The following TP53BP1 variants were observed in gnomAD, a reference collection of about 807,000 sequenced individuals.
TP53BP1 encodes tumor protein p53 binding protein 1.
A neutral mutation model predicts 200.8 loss-of-function variants in TP53BP1; 61 were observed. The observed-to-expected ratio is 0.30, with a 90% CI of 0.25 to 0.38. The LOEUF (loss-of-function observed/expected upper bound fraction) is 0.38. TP53BP1 is among the 10% of genes least tolerant of loss of function. The pLI is 1.00. For synonymous variants in TP53BP1, 822 were observed against 844.3 expected (o/e 0.97, Z 0.46); for missense variants, 2,144 against 2,371.9 (o/e 0.90, Z 2.00).
At position 43,456,939 on chromosome 15, in the gene TP53BP1, A is replaced by C; in HGVS notation, c.1669T>G (p.Ser557Ala). 1 of 1,614,136 alleles carries C rather than the reference A, an allele frequency of 6.2e-7. No homozygotes were observed. Among genetic ancestry groups the C allele is most frequent in the Admixed American group, 1.7e-5 (1 of 60,012 alleles). The change falls in exon 12 of 28, where the codon TCT becomes GCT. Residue 557 changes from serine (S) to alanine (A), a missense_variant. Coordinates refer to ENST00000382044, the MANE Select transcript of TP53BP1 (RefSeq NM_001141980.3). ...ACAAATTTAGAATTGAGAACTGGAGACATGGGTTCCGTATCCTCAATCTGT... is the reference window on the plus strand; with the variant it reads ...ACAAATTTAGAATTGAGAACTGGAGCCATGGGTTCCGTATCCTCAATCTGT... The part of the protein sequence containing the change: ...NTQIEDTEPM[S>A]PVLNSKFVPA...
intron 17 of TP53BP1, among the ~76,000 whole-genome samples, chr15:43,431,553 A>G (rs775376233): frequency 6.6e-6 from 1 of 152,028 alleles, no homozygotes; most frequent in Admixed American, 6.6e-5. Context: ...CCACCTACTT[A>G]ATTTTTACTA....
intron 3 of TP53BP1, 68 bp downstream of exon 3, chr15:43,491,934 A>T: frequency 1.6e-6 from 2 of 1,290,308 alleles, no homozygotes; most frequent in South Asian, 1.2e-5. Context: ...CATAAAGTTT[A>T]AATCCACCCA....
Position 43,405,194 on chromosome 15 carries a change from T to C in TP53BP1, c.*2189A>G, listed in dbSNP as rs368215860. On this transcript the variant is annotated 3_prime_UTR_variant, in exon 28 of 28. Transcript: ENST00000382044. The stretch of plus-strand genomic sequence containing the variant: ...GACACTTAATAAGGCTCTTTTTCTC[T>C]TTTGTAGTTTCGGGATGTGAAAATT... 27 of 1,614,054 alleles carry C rather than the reference T, an allele frequency of 1.7e-5. No individual in the cohort carries two copies. The African/African-American group carries it at 3.2e-4, about 19-fold the overall frequency.
rs1288957584 is a variant in TP53BP1 at position 43,438,352 on chromosome 15, T to C, written c.3163A>G (p.Ser1055Gly). 6.2e-7 allele frequency: 1 copy of C among 1,613,810 alleles called. No homozygotes were observed. The highest frequency in any genetic ancestry group is 8.5e-7 in the Non-Finnish European group (1 of 1,179,932). ...CEARQENEAR[S>G]EDPPTTPIRG... ...ATGGGTGTGGTGGGGGGATCCTCAC[T>C]TCGAGCCTCATTCTCTTGCCTGGCT... Residue 1055 changes from serine (S) to glycine (G), a missense_variant, in exon 16 of 28, where the codon AGT becomes GGT. By Grantham distance (56) the Ser-to-Gly change is moderately conservative. Around this residue, in one of 4 missense-constraint regions of TP53BP1, gnomAD observed 1,700 missense variants for 1,710.3 expected, o/e 0.99. Coordinates refer to ENST00000382044, the MANE Select transcript of TP53BP1 (RefSeq NM_001141980.3).
At chr15:43,470,302 G>A (rs2046694236) in intron 10 of TP53BP1, among the ~76,000 whole-genome samples, 1 of 152,202 alleles carries the variant, frequency 6.6e-6, no homozygotes, top group Non-Finnish European at 1.5e-5. Flanking sequence ...AAAACTGGAT[G>A]CATCTGGGGC....
intron 1 of TP53BP1, among the ~76,000 whole-genome samples, chr15:43,505,195 C>T (rs1470683862): frequency 1.3e-5 from 2 of 152,024 alleles, no homozygotes; most frequent in Non-Finnish European, 2.9e-5. Flanking sequence ...ATTTCTTCAA[C>T]CCAAGCATTC....
At chr15:43,453,972 C>T (rs2245664) in intron 12 of TP53BP1, among the ~76,000 whole-genome samples, 41,072 of 151,786 alleles carry the variant, frequency 0.27, 9,135 homozygotes, top group African/African-American at 0.61. Context: ...CTTTGGAGGC[C>T]GAGGAAGGCA....
At chr15:43,480,817 G>T in intron 5 of TP53BP1, 78 bp downstream of exon 5, 1 of 1,480,734 alleles carries the variant, frequency 6.8e-7, no homozygotes, top group South Asian at 1.3e-5. Flanking sequence ...TAATAAAGAG[G>T]AGAAATTTAG....
chr15:43,474,181 C>G (rs1323981735), intron 10 of TP53BP1, among the ~76,000 whole-genome samples: 1 of 152,184 alleles, frequency 6.6e-6, no homozygotes, highest in African/African-American at 2.4e-5. Context: ...GAGTGCAGGA[C>G]CCGCCAAGCC....
In TP53BP1 at chr15:43,455,882, T is replaced by C. The variant is rs766736772; in HGVS notation, c.2716+10A>G. On this transcript the variant is annotated intron_variant, in intron 12 of 27. Transcript: ENST00000382044. ...AGGTGGAGACAAGAATAATCTACAATCACACTCACCACTAGAACTTTCACA... is the reference window on the plus strand; with the variant it reads ...AGGTGGAGACAAGAATAATCTACAACCACACTCACCACTAGAACTTTCACA... 20 of 1,612,114 alleles carry C rather than the reference T, an allele frequency of 1.2e-5. No individual in the cohort carries two copies. In the Admixed American group the frequency reaches 3.2e-4, roughly 26 times the overall value.
rs772476521 is a variant in TP53BP1 at position 43,469,886 on chromosome 15, G to A, written c.1361C>T (p.Pro454Leu). The change falls in exon 11 of 28, where the codon CCT becomes CTT. Residue 454 changes from proline (P) to leucine (L), a missense_variant. This residue lies in a region of TP53BP1 where 1,700 missense variants were observed against 1,710.3 expected (regional missense o/e 0.99). Transcript: ENST00000382044. ...AGAAAACTGAGGCTGGGATGGGATA[G>A]GAAGTGACCCAGGAGGGAAGACTGG... Reference protein sequence around the residue: ...STPVFPPGSLPIPSQPQFSHD... With the variant: ...STPVFPPGSLLIPSQPQFSHD... 2 of 1,611,982 alleles carry A rather than the reference G, an allele frequency of 1.2e-6. No individual in the cohort carries two copies. Among genetic ancestry groups the A allele is most frequent in the Non-Finnish European group, 1.7e-6 (2 of 1,178,534 alleles).
At chr15:43,423,598 C>T (rs893298814) in intron 18 of TP53BP1, among the ~76,000 whole-genome samples, 4 of 146,860 alleles carry the variant, frequency 2.7e-5, no homozygotes, top group Non-Finnish European at 4.5e-5. Context: ...GATGGAGCTG[C>T]AGTGAGCTAA....
At chr15:43,410,754 G>A (rs145564890) in intron 24 of TP53BP1, among the ~76,000 whole-genome samples, 37 of 152,132 alleles carry the variant, frequency 2.4e-4, no homozygotes, top group African/African-American at 7.7e-4. Flanking sequence ...CCCTTATGAC[G>A]GCTCCCCCTT....
chr15:43,468,789 A>G (rs1470501384), intron 11 of TP53BP1, among the ~76,000 whole-genome samples: 1 of 152,202 alleles, frequency 6.6e-6, no homozygotes, highest in Non-Finnish European at 1.5e-5. Context: ...ATTCAATTTC[A>G]ATTGGTCACA....
At chr15:43,497,682 C>T (rs771817333), upstream of TP53BP1, 18 of 154,218 alleles carry the variant, frequency 1.2e-4, no homozygotes, top group Non-Finnish European at 2.1e-4. Context: ...TAGGCAAATT[C>T]AGAAAGAGAG....
Position 43,405,040 on chromosome 15 carries a change from G to T in TP53BP1, c.*2343C>A. ...ATTGTCCTTTCTCTCTAAAATGTCT[G>T]CAAGCAGATTTTTTTCTAAGCTATT... On this transcript the variant is annotated 3_prime_UTR_variant, in exon 28 of 28. Coordinates refer to ENST00000382044, the MANE Select transcript of TP53BP1 (RefSeq NM_001141980.3). 1.3e-6 allele frequency: 1 copy of T among 744,860 alleles called. No homozygotes were observed. The highest frequency in any genetic ancestry group is 2.2e-6 in the Non-Finnish European group (1 of 459,616). The allele number at this position is 744,860 out of a possible 1,614,324, so 46.1% of individuals were successfully genotyped here.
chr15:43,509,750 G>A (rs931092394), intron 1 of TP53BP1, among the ~76,000 whole-genome samples: 18 of 152,060 alleles, frequency 1.2e-4, no homozygotes, highest in Non-Finnish European at 2.1e-4. Flanking sequence ...CAATCAGAAC[G>A]TGGCTCACAG....
rs1205405686 is a variant in TP53BP1, at chr15:43,404,199, A to G, written c.*3184T>C. ...ACTGGAAACCAGCTACTAAATTCCT[A>G]CTGATGAAAGAGTACTTTCATAGGA... On this transcript the variant is annotated 3_prime_UTR_variant, in exon 28 of 28. Coordinates refer to ENST00000382044, the MANE Select transcript of TP53BP1 (RefSeq NM_001141980.3). 1.2e-5 allele frequency: 7 copies of G among 569,468 alleles called. No individual in the cohort carries two copies. The highest frequency in any genetic ancestry group is 3.1e-5 in the Admixed American group (1 of 31,868). 35.3% of individuals were successfully genotyped at this position (569,468 alleles called of 1,614,324 possible). A position where few individuals can be genotyped will look rare whatever the true frequency, so the allele number is the denominator to read the frequency against.
chr15:43,467,217 C>A (rs975116831), intron 11 of TP53BP1, among the ~76,000 whole-genome samples: 6 of 152,000 alleles, frequency 3.9e-5, no homozygotes, highest in South Asian at 2.1e-4. Context: ...AGGCACACAC[C>A]ACCACTCCTG....
Sources: gnomAD v4.1 joint callset for allele counts (sites outside exome capture counted in the v4.1 genomes callset) on GRCh38, gnomAD v4.1.1 for gene constraint, gnomAD v4.1.1 regional missense constraint, MANE v1.5 for transcripts, NCBI Gene and HGNC (gene_info 2026-07-23, HGNC 2026-07-21) for gene names.